SYN2: variants seen among roughly 807,000 people sequenced by gnomAD.
SYN2 encodes the protein synapsin-2.
Under a neutral mutation model 50.9 loss-of-function variants are expected in SYN2, and 19 were observed. The observed-to-expected ratio is 0.37, with a 90% CI of 0.26 to 0.55. SYN2 has a LOEUF of 0.55. SYN2 is among the 20% of genes least tolerant of loss of function. SYN2 has a pLI of 0.81. For synonymous variants in SYN2, 255 were observed against 224.9 expected (o/e 1.13, Z -1.20); for missense variants, 587 against 576.4 (o/e 1.02, Z -0.19).
chr3:12,184,955 C>T (rs1314300462), intron 11 of SYN2: 1 of 985,588 alleles, frequency 1.0e-6, no homozygotes, highest in African/African-American at 1.7e-5. Flanking sequence ...GTTCTGAACT[C>T]CCAGATCTGA....
At chr3:12,173,307 T>G (rs1697978560) in intron 10 of SYN2, among the ~76,000 whole-genome samples, 1 of 152,196 alleles carries the variant, frequency 6.6e-6, no homozygotes, top group South Asian at 2.1e-4. Flanking sequence ...AGCAGACATT[T>G]CAGCCATCAT....
intron 10 of SYN2, among the ~76,000 whole-genome samples, chr3:12,182,896 G>T (rs1204442758): frequency 6.6e-6 from 1 of 152,246 alleles, no homozygotes; most frequent in South Asian, 2.1e-4. Context: ...TGTCTCTGGG[G>T]TTTGGCGTTG....
At chr3:12,186,189 C>T (rs1366609873) in intron 11 of SYN2, among the ~76,000 whole-genome samples, 1 of 152,148 alleles carries the variant, frequency 6.6e-6, no homozygotes, top group African/African-American at 2.4e-5. Context: ...TTCTGTAAGT[C>T]CACTCCCTCC....
chr3:12,069,607 A>G (rs1695297773), intron 1 of SYN2, among the ~76,000 whole-genome samples: 2 of 152,082 alleles, frequency 1.3e-5, no homozygotes. Flanking sequence ...GCTGGCTGCT[A>G]TGATAATTCT....
intron 1 of SYN2, among the ~76,000 whole-genome samples, chr3:12,115,074 G>T (rs1696403365): frequency 6.6e-6 from 1 of 152,118 alleles, no homozygotes; most frequent in South Asian, 2.1e-4. Flanking sequence ...TCATTTCAAA[G>T]AATGATCTAA....
rs755316041 is a variant in SYN2 at position 12,168,427 on chromosome 3, C to G, written c.1107C>G (p.Ile369Met). 4 of 1,614,000 alleles carry G rather than the reference C, an allele frequency of 2.5e-6. No homozygotes were observed. In the Middle Eastern group the frequency reaches 4.9e-4, roughly 200 times the overall value. Residue 369 changes from isoleucine to methionine, a missense_variant, in exon 9 of 13, where the codon ATC becomes ATG. Coordinates refer to ENST00000621198, the MANE Select transcript of SYN2 (RefSeq NM_133625.6). ...CTGAGATGTTTGGCGGCCTGGACAT[C>G]TGTGCTGTCAAAGCTGTACATGGCA... Reference protein sequence around the residue: ...TCSEMFGGLDICAVKAVHGKD... With the variant: ...TCSEMFGGLDMCAVKAVHGKD...
chr3:12,176,766 A>G (rs915537675), intron 10 of SYN2, among the ~76,000 whole-genome samples: 7 of 152,234 alleles, frequency 4.6e-5, no homozygotes, highest in Admixed American at 6.5e-5. Context: ...AGACATCTCA[A>G]TGAGTGCATT....
chr3:12,014,074 G>A (rs888133929), intron 1 of SYN2, among the ~76,000 whole-genome samples: 7 of 152,044 alleles, frequency 4.6e-5, no homozygotes, highest in African/African-American at 1.7e-4. Context: ...CCCCCTCCAT[G>A]CCCTCTTTCA....
chr3:12,051,057 A>C (rs953317322), intron 1 of SYN2, among the ~76,000 whole-genome samples: 5 of 152,094 alleles, frequency 3.3e-5, no homozygotes. Context: ...TTCTATATAG[A>C]TAAAACAGAG....
chr3:12,041,740 T>G (rs186659074), intron 1 of SYN2, among the ~76,000 whole-genome samples: 7 of 152,324 alleles, frequency 4.6e-5, no homozygotes, highest in Non-Finnish European at 8.8e-5. Context: ...AGATAACCTC[T>G]AGTTGCCACT....
intron 10 of SYN2, among the ~76,000 whole-genome samples, chr3:12,176,989 GCTGTTGGAGCAGGTAA>G (rs1318078008): frequency 6.6e-6 from 1 of 152,184 alleles, no homozygotes; most frequent in African/African-American, 2.4e-5. Context: ...GGGGACTGGG[GCTGTTGGAGCAGGTAA>G]CTTATAAAAT....
At chr3:12,164,916 G>T (rs941047822) in intron 7 of SYN2, among the ~76,000 whole-genome samples, 14 of 151,580 alleles carry the variant, frequency 9.2e-5, no homozygotes, top group African/African-American at 3.2e-4. Context: ...AGTCATAGAG[G>T]TCATAGAGGT....
At chr3:12,093,058 G>A (rs1386606009) in intron 1 of SYN2, among the ~76,000 whole-genome samples, 1 of 151,750 alleles carries the variant, frequency 6.6e-6, no homozygotes, top group African/African-American at 2.4e-5. Flanking sequence ...TTCCTCTTTG[G>A]GCATCTGTTT....
chr3:12,132,044 C>CT (rs34414958), intron 1 of SYN2, among the ~76,000 whole-genome samples: 11,847 of 102,884 alleles, frequency 0.12, 654 homozygotes, highest in African/African-American at 0.18. Flanking sequence ...CTTTTTTTTT[C>CT]TTTTTTTTTT....
chr3:12,130,645 C>T (rs1214514981), intron 1 of SYN2, among the ~76,000 whole-genome samples: 1 of 152,146 alleles, frequency 6.6e-6, no homozygotes, highest in East Asian at 1.9e-4. Context: ...TATCTGGGCA[C>T]CTGTGGCCTA....
chr3:12,070,895 C>T, intron 1 of SYN2: 1 of 564,538 alleles, frequency 1.8e-6, no homozygotes, highest in Non-Finnish European at 3.5e-6. Context: ...TGCTATGTTG[C>T]CCTGGACTTC....
In SYN2 at chr3:12,162,117, C is replaced by A. The variant is rs781269513; in HGVS notation, c.943C>A (p.Arg315=). The A allele has an allele frequency of 1.2e-6, 2 of 1,613,954 alleles. No homozygotes were observed. The highest frequency in any genetic ancestry group is 1.1e-5 in the South Asian group (1 of 91,072). The change falls in exon 7 of 13, where the codon CGG becomes AGG. Residue 315 remains arginine, a synonymous_variant. Transcript: ENST00000621198. ...TTTCATTGACTCCAAGTATGACATC[C>A]GGGTCCAGAAGATTGGCAACAACTA... ...EPFIDSKYDI[R]VQKIGNNYKA...
At chr3:12,035,635 G>C (rs1350686631) in intron 1 of SYN2, among the ~76,000 whole-genome samples, 2 of 152,166 alleles carry the variant, frequency 1.3e-5, no homozygotes, top group African/African-American at 4.8e-5. Flanking sequence ...GGAAAAGGTG[G>C]GGCATCTCAA....
intron 5 of SYN2, chr3:12,154,375 C>T: frequency 6.2e-6 from 10 of 1,614,206 alleles, no homozygotes; most frequent in Non-Finnish European, 7.6e-6. Flanking sequence ...TTTCCCTCTG[C>T]ACCAAGGACA....
Sources: allele counts gnomAD v4.1 joint callset (sites outside exome capture counted in the v4.1 genomes callset), GRCh38; gene constraint gnomAD v4.1.1; transcripts MANE v1.5; gene names NCBI Gene and HGNC (gene_info 2026-07-23, HGNC 2026-07-21).